CSMD2: variants seen among roughly 807,000 people sequenced by gnomAD.
The protein encoded by CSMD2 is CUB and Sushi multiple domains 2.
In CSMD2, 130 loss-of-function variants were observed where a neutral mutation model predicts 398.5. The ratio of observed to expected loss-of-function variants is 0.33; its 90% CI spans 0.28 to 0.38. CSMD2 has a LOEUF of 0.38. CSMD2 is among the 10% of genes least tolerant of loss of function. The pLI, the probability that CSMD2 is intolerant of heterozygous loss-of-function variation, is 1.00. For synonymous variants in CSMD2, 1,828 were observed against 1,908.5 expected (o/e 0.96, Z 1.10); for missense variants, 3,829 against 4,764.9 (o/e 0.80, Z 5.78).
At chr1:33,665,118 C>A (rs1415251370) in intron 25 of CSMD2, among the ~76,000 whole-genome samples, 3 of 152,122 alleles carry the variant, frequency 2.0e-5, no homozygotes, top group African/African-American at 7.2e-5. Context: ...AATTCTTTAT[C>A]CATCTTAATT....
chr1:34,089,291 T>G, intron 1 of CSMD2, 98 bp from the exon 2 acceptor site: 1 of 1,176,624 alleles, frequency 8.5e-7, no homozygotes, highest in Non-Finnish European at 1.2e-6. Context: ...TGAACCCACT[T>G]TTCCAAGTGC....
intron 21 of CSMD2, among the ~76,000 whole-genome samples, chr1:33,710,116 T>G (rs918540788): frequency 1.1e-4 from 17 of 152,228 alleles, no homozygotes; most frequent in Non-Finnish European, 1.0e-4. Flanking sequence ...TACTGCACTG[T>G]GGATCCTTTG....
In CSMD2 at chr1:33,605,886, C is replaced by T. The variant is rs767253134; in HGVS notation, c.6344-416G>A. ...ACCTTCACAACCAGGATCAAGATCC[C>T]AGACATAGGAAGCGGCGACGGGAGG... On this transcript the variant is annotated intron_variant, in intron 41 of 70. Coordinates refer to ENST00000373381, the MANE Select transcript of CSMD2 (RefSeq NM_001281956.2). 4 of 1,613,634 alleles carry T rather than the reference C, an allele frequency of 2.5e-6. No individual in the cohort carries two copies. In the African/African-American group the frequency reaches 4.0e-5, roughly 16 times the overall value.
chr1:33,706,165 A>T (rs1336083507), intron 22 of CSMD2, among the ~76,000 whole-genome samples: 1 of 152,112 alleles, frequency 6.6e-6, no homozygotes, highest in Non-Finnish European at 1.5e-5. Flanking sequence ...ACTTTATTAA[A>T]TTGTTTTACA....
chr1:33,948,348 C>T (rs1388576916), intron 3 of CSMD2, among the ~76,000 whole-genome samples: 1 of 152,140 alleles, frequency 6.6e-6, no homozygotes, highest in Non-Finnish European at 1.5e-5. Flanking sequence ...TTGGAAGACC[C>T]AAAAATGTCT....
chr1:33,581,768 G>A (rs1461232973), intron 47 of CSMD2, among the ~76,000 whole-genome samples: 1 of 152,068 alleles, frequency 6.6e-6, no homozygotes, highest in African/African-American at 2.4e-5. Context: ...GGTTGAAGGG[G>A]CGCAGAATAT....
chr1:33,760,485 T>C (rs888431708), intron 13 of CSMD2, among the ~76,000 whole-genome samples: 6 of 152,194 alleles, frequency 3.9e-5, no homozygotes, highest in Admixed American at 6.5e-5. Context: ...AAAATATACG[T>C]AGCCAGACCA....
In CSMD2 at chr1:33,559,208, C is replaced by T. The variant is rs2148657061; in HGVS notation, c.8554+92G>A. ...TTCCCTATCTGGATCAGAATGATGC[C>T]AGAATGAATTCACTGGCTTCTTTTT... On this transcript the variant is annotated intron_variant, in intron 54 of 70. Coordinates refer to ENST00000373381, the MANE Select transcript of CSMD2 (RefSeq NM_001281956.2). The surrounding 1 kb of genome is among the most constrained non-coding windows in gnomAD (Gnocchi z 4.0). 8.3e-7 allele frequency: 1 copy of T among 1,201,520 alleles called. No individual in the cohort carries two copies. Among genetic ancestry groups the T allele is most frequent in the Non-Finnish European group, 1.2e-6 (1 of 864,692 alleles). The allele number at this position is 1,201,520 out of a possible 1,614,324, so 74.4% of individuals were successfully genotyped here. A position where few individuals can be genotyped will look rare whatever the true frequency, so the allele number is the denominator to read the frequency against.
chr1:33,572,441 C>T (rs1659680288), intron 50 of CSMD2, 65 bp downstream of exon 50: 1 of 1,373,488 alleles, frequency 7.3e-7, no homozygotes, highest in Non-Finnish European at 9.7e-7. Flanking sequence ...TCACTCCTTG[C>T]AGGAATCTTT....
chr1:33,929,786 G>A (rs555279161), intron 4 of CSMD2, among the ~76,000 whole-genome samples: 11 of 151,674 alleles, frequency 7.3e-5, no homozygotes, highest in African/African-American at 2.2e-4. Flanking sequence ...TTCCTCTAGC[G>A]TGTCCAGTAC....
intron 29 of CSMD2, among the ~76,000 whole-genome samples, chr1:33,645,636 T>C (rs779030232): frequency 2.1e-4 from 32 of 152,190 alleles, no homozygotes; most frequent in Non-Finnish European, 4.1e-4. Flanking sequence ...CTCCTCTTAC[T>C]ACTACTAATG....
intron 3 of CSMD2, among the ~76,000 whole-genome samples, chr1:33,975,512 C>CACA (rs925463388): frequency 6.6e-6 from 1 of 150,762 alleles, no homozygotes; most frequent in Admixed American, 6.6e-5. Context: ...CACACACACA[C>CACA]AAGTGCATAA....
At chr1:33,639,454 C>A (rs1167486743) in intron 29 of CSMD2, among the ~76,000 whole-genome samples, 1 of 152,176 alleles carries the variant, frequency 6.6e-6, no homozygotes, top group Non-Finnish European at 1.5e-5. Context: ...TTCTCTCTGG[C>A]AGAATTCTGT....
At chr1:33,932,491 G>A (rs192549324) in intron 4 of CSMD2, among the ~76,000 whole-genome samples, 1 of 152,266 alleles carries the variant, frequency 6.6e-6, no homozygotes, top group Admixed American at 6.5e-5. Flanking sequence ...GCCACCAAAA[G>A]ACATGCCACC....
At chr1:33,845,264 G>A (rs1661244050) in intron 6 of CSMD2, among the ~76,000 whole-genome samples, 1 of 152,204 alleles carries the variant, frequency 6.6e-6, no homozygotes, top group African/African-American at 2.4e-5. Flanking sequence ...CAACCTCTCT[G>A]AGCCCCAGCT....
intron 25 of CSMD2, among the ~76,000 whole-genome samples, chr1:33,666,079 T>C (rs537750411): frequency 6.6e-6 from 1 of 152,326 alleles, no homozygotes; most frequent in South Asian, 2.1e-4. Context: ...TTCTGGACTC[T>C]TCTCTCAAGT....
intron 22 of CSMD2, among the ~76,000 whole-genome samples, 182 bp from the exon 23 acceptor site, chr1:33,700,855 G>A (rs191755712): frequency 2.0e-4 from 30 of 152,310 alleles, no homozygotes; most frequent in Admixed American, 1.6e-3. Context: ...AAGTTATCTC[G>A]TTTTCCCTTG....
chr1:33,642,226 A>G (rs1643147070), intron 29 of CSMD2, among the ~76,000 whole-genome samples: 1 of 152,012 alleles, frequency 6.6e-6, no homozygotes, highest in Non-Finnish European at 1.5e-5. Flanking sequence ...GCATGCCTGT[A>G]ATCCCAGCTA....
intron 1 of CSMD2, among the ~76,000 whole-genome samples, chr1:34,148,457 T>C (rs1376476945): frequency 2.0e-5 from 3 of 152,230 alleles, no homozygotes; most frequent in Non-Finnish European, 4.4e-5. Context: ...GTCTCCAGCA[T>C]GTTCAGTTTG....
Sources: allele counts gnomAD v4.1 joint callset (sites outside exome capture counted in the v4.1 genomes callset), GRCh38; gene constraint gnomAD v4.1.1; non-coding constraint Gnocchi (gnomAD v3.1); transcripts MANE v1.5; gene names NCBI Gene and HGNC (gene_info 2026-07-23, HGNC 2026-07-21).